The following SERGEF variants were observed in gnomAD, a reference collection of about 807,000 sequenced individuals.
SERGEF encodes the protein secretion regulating guanine nucleotide exchange factor, also known as secretion-regulating guanine nucleotide exchange factor.
Under a neutral mutation model 50.0 loss-of-function variants are expected in SERGEF, and 51 were observed. The observed-to-expected ratio is 1.02, with a 90% CI of 0.81 to 1.29. The LOEUF is 1.29. Ranked by LOEUF, SERGEF falls within the 50% of genes most tolerant of loss-of-function variation. SERGEF has a pLI of 0.00. For missense variants in SERGEF, 521 were observed against 557.0 expected, an observed-to-expected ratio of 0.94 and a Z score of 0.65; for synonymous variants, 205 against 212.4, an observed-to-expected ratio of 0.97 and a Z score of 0.30.
intron 8 of SERGEF, among the ~76,000 whole-genome samples, chr11:17,962,399 T>G (rs1440354764): frequency 6.6e-6 from 1 of 152,162 alleles, no homozygotes; most frequent in Non-Finnish European, 1.5e-5. Context: ...TGTAGATGAA[T>G]GTCTGCATCA....
chr11:17,893,143 G>C (rs1004512541), intron 9 of SERGEF, among the ~76,000 whole-genome samples: 4 of 152,176 alleles, frequency 2.6e-5, no homozygotes, highest in African/African-American at 9.7e-5. Flanking sequence ...CTGGATGCCA[G>C]GGAATGATTT....
intron 10 of SERGEF, among the ~76,000 whole-genome samples, chr11:17,823,344 G>A (rs1565176976): frequency 6.6e-6 from 1 of 152,136 alleles, no homozygotes; most frequent in Non-Finnish European, 1.5e-5. Flanking sequence ...ACCTGGGCAA[G>A]GTAGTGTTTG....
chr11:17,995,128 A>C (rs1469791031), intron 6 of SERGEF, among the ~76,000 whole-genome samples: 2 of 152,186 alleles, frequency 1.3e-5, no homozygotes, highest in African/African-American at 4.8e-5. Flanking sequence ...CAGGGGAAGA[A>C]GGGTGGGGGG....
chr11:17,972,030 C>T (rs1055107355), intron 8 of SERGEF, among the ~76,000 whole-genome samples: 1 of 152,166 alleles, frequency 6.6e-6, no homozygotes, highest in Non-Finnish European at 1.5e-5. Flanking sequence ...TACGTAGAGC[C>T]TAAAGAGGTG....
chr11:17,798,150 G>C (rs1474461234), intron 10 of SERGEF, among the ~76,000 whole-genome samples: 1 of 152,046 alleles, frequency 6.6e-6, no homozygotes, highest in Non-Finnish European at 1.5e-5. Context: ...TGAATTGATG[G>C]GTTCTAAGCT....
At chr11:17,932,437 C>A (rs1456067622) in intron 9 of SERGEF, among the ~76,000 whole-genome samples, 1 of 151,960 alleles carries the variant, frequency 6.6e-6, no homozygotes, top group Non-Finnish European at 1.5e-5. Flanking sequence ...AGGAAAGGAG[C>A]AATAAATGTT....
chr11:17,969,218 A>G (rs1479107922), intron 8 of SERGEF, among the ~76,000 whole-genome samples: 2 of 152,176 alleles, frequency 1.3e-5, no homozygotes, highest in African/African-American at 4.8e-5. Context: ...GTCCAGCAGC[A>G]CATCACACTG....
chr11:17,956,204 C>A (rs926631881), intron 9 of SERGEF, among the ~76,000 whole-genome samples: 5 of 152,276 alleles, frequency 3.3e-5, no homozygotes, highest in African/African-American at 1.2e-4. Flanking sequence ...AGACATGGCT[C>A]AGAAGAAAAG....
intron 10 of SERGEF, among the ~76,000 whole-genome samples, chr11:17,810,110 C>T (rs897133142): frequency 5.3e-5 from 8 of 152,166 alleles, no homozygotes; most frequent in Non-Finnish European, 1.2e-4. Flanking sequence ...CTAGGGTCCC[C>T]ATTTAGGGAG....
chr11:17,802,572 T>G (rs1565171440), intron 10 of SERGEF, among the ~76,000 whole-genome samples: 1 of 152,182 alleles, frequency 6.6e-6, no homozygotes, highest in African/African-American at 2.4e-5. Context: ...CCCAGCTACC[T>G]CTCTGATACC....
Position 17,878,206 on chromosome 11 carries a change from A to G in SERGEF, c.1048+2T>C. On this transcript the variant is annotated splice_donor_variant, in intron 10 of 10. Transcript: ENST00000265965. LOFTEE classifies it high-confidence loss of function. ...ACAGTTATCAGTATAAAAATTACTT[A>G]CCAATTATTGCCAAATTATGCTCTG... 5 of 1,578,114 alleles carry G rather than the reference A, an allele frequency of 3.2e-6. No individual in the cohort carries two copies. Among genetic ancestry groups the G allele is most frequent in the Non-Finnish European group, 4.3e-6 (5 of 1,153,058 alleles).
At chr11:17,833,026 G>A (rs570591506) in intron 10 of SERGEF, among the ~76,000 whole-genome samples, 11 of 152,346 alleles carry the variant, frequency 7.2e-5, no homozygotes, top group African/African-American at 2.6e-4. Context: ...ATTCAAGCCA[G>A]CTGCAGAAAT....
chr11:17,833,525 G>A (rs571710541), intron 10 of SERGEF, among the ~76,000 whole-genome samples: 13 of 152,242 alleles, frequency 8.5e-5, no homozygotes, highest in Middle Eastern at 3.4e-3. Flanking sequence ...GTGAGAAGAC[G>A]GCCACCATCC....
rs552227185 is a variant in SERGEF, at chr11:17,937,569, G to A, written c.1011+21901C>T. ...ATAATAATAATAAATAAAATAAAAT[G>A]TATTACAATGGTATAAGTGGTTTTC... On this transcript the variant is annotated intron_variant, in intron 9 of 10. Coordinates refer to ENST00000265965, the MANE Select transcript of SERGEF (RefSeq NM_012139.4). Among the ~76,000 whole-genome samples the A allele has an allele frequency of 6.6e-5, 10 of 151,976 alleles. No individual in the cohort carries two copies. The South Asian group carries it at 1.5e-3, about 22-fold the overall frequency.
chr11:17,892,786 C>T, intron 9 of SERGEF, among the ~76,000 whole-genome samples: 1 of 152,154 alleles, frequency 6.6e-6, no homozygotes, highest in East Asian at 1.9e-4. Flanking sequence ...AGAACACACA[C>T]TACAGGAAAC....
chr11:17,815,916 C>T (rs1849966519), intron 10 of SERGEF, among the ~76,000 whole-genome samples: 2 of 152,162 alleles, frequency 1.3e-5, no homozygotes, highest in Non-Finnish European at 2.9e-5. Context: ...GAGACTCCAT[C>T]TCAAATAACA....
chr11:17,849,253 G>A (rs974566083), intron 10 of SERGEF, among the ~76,000 whole-genome samples: 2 of 151,962 alleles, frequency 1.3e-5, no homozygotes, highest in Non-Finnish European at 2.9e-5. Flanking sequence ...CCTCCACACC[G>A]TTGATCCTAC....
At chr11:17,859,802 A>G (rs999881247) in intron 10 of SERGEF, among the ~76,000 whole-genome samples, 16 of 152,236 alleles carry the variant, frequency 1.1e-4, no homozygotes, top group African/African-American at 2.7e-4. Context: ...AGAATGAAAA[A>G]AATTGCCAAC....
At chr11:17,816,961 A>G (rs554478514) in intron 10 of SERGEF, among the ~76,000 whole-genome samples, 2 of 152,342 alleles carry the variant, frequency 1.3e-5, no homozygotes, top group South Asian at 2.1e-4. Flanking sequence ...CTTCAAGGAC[A>G]TGGAAGAGTG....
Sources: gnomAD v4.1 joint callset for allele counts (sites outside exome capture counted in the v4.1 genomes callset) on GRCh38, gnomAD v4.1.1 for gene constraint, MANE v1.5 for transcripts, NCBI Gene and HGNC (gene_info 2026-07-23, HGNC 2026-07-21) for gene names.